EYA2: variants seen among roughly 807,000 people sequenced by gnomAD.
EYA2 encodes EYA transcriptional coactivator and phosphatase 2.
EYA2 carries 31 observed loss-of-function variants against 69.2 expected under a neutral mutation model. The observed-to-expected ratio is 0.45, with a 90% CI of 0.34 to 0.60. The LOEUF (loss-of-function observed/expected upper bound fraction) is 0.60, where lower values mean the gene tolerates loss of function less well. EYA2 is among the 20% of genes least tolerant of loss of function. The probability of loss-of-function intolerance (pLI) is 0.02; values close to 1 mark genes in which losing one functional copy is unlikely to be tolerated. For missense variants in EYA2, 622 were observed against 701.2 expected, an observed-to-expected ratio of 0.89 and a Z score of 1.28; for synonymous variants, 257 against 279.4, an observed-to-expected ratio of 0.92 and a Z score of 0.80.
chr20:46,921,507 C>T (rs1473438463), intron 1 of EYA2, among the ~76,000 whole-genome samples: 1 of 152,176 alleles, frequency 6.6e-6, no homozygotes, highest in Non-Finnish European at 1.5e-5. Context: ...GTTCTAAGTG[C>T]AGACCTGTGA....
chr20:46,913,722 G>A (rs1327175590), intron 1 of EYA2, among the ~76,000 whole-genome samples: 4 of 152,140 alleles, frequency 2.6e-5, no homozygotes, highest in African/African-American at 9.7e-5. Context: ...ATGAAGAGAG[G>A]AGTCCAAGGT....
At chr20:47,150,901 G>A (rs1344489392) in intron 10 of EYA2, among the ~76,000 whole-genome samples, 2 of 151,980 alleles carry the variant, frequency 1.3e-5, no homozygotes, top group African/African-American at 4.8e-5. Context: ...AAGGGAGCCT[G>A]GGAAATGTAG....
At position 47,080,953 on chromosome 20, in the gene EYA2, G is replaced by A. The variant is rs561589621; in HGVS notation, c.661+6618G>A. Among the ~76,000 whole-genome samples the A allele has an allele frequency of 3.3e-5, 5 of 152,242 alleles. No individual in the cohort carries two copies. The South Asian group carries it at 6.2e-4, about 19-fold the overall frequency. On this transcript the variant is annotated intron_variant, in intron 7 of 15. Transcript: ENST00000327619. Reference sequence around the variant, plus strand: ...TACGATCATAGTTCTCCGTAACCTCGAACTCCTGGGCTCAAGCAATCCTCC... The same window carrying A: ...TACGATCATAGTTCTCCGTAACCTCAAACTCCTGGGCTCAAGCAATCCTCC...
At chr20:47,184,519 G>A (rs903840904) in intron 15 of EYA2, among the ~76,000 whole-genome samples, 1 of 150,548 alleles carries the variant, frequency 6.6e-6, no homozygotes, top group African/African-American at 2.4e-5. Context: ...CTGGACTCAA[G>A]CGATCTTCCC....
chr20:47,089,406 C>A, intron 8 of EYA2, 25 bp downstream of exon 8: 1 of 1,598,642 alleles, frequency 6.3e-7, no homozygotes, highest in Non-Finnish European at 8.5e-7. Flanking sequence ...CTCTGTGTGA[C>A]CTGGTGAATG....
At chr20:47,072,147 A>G (rs1185228345) in intron 5 of EYA2, 38 bp from the exon 6 acceptor site, 2 of 1,587,724 alleles carry the variant, frequency 1.3e-6, no homozygotes, top group East Asian at 2.2e-5. Context: ...AAAAAAGACA[A>G]GAACCCTAAC....
chr20:47,186,198 A>G (rs768414140), intron 15 of EYA2, among the ~76,000 whole-genome samples: 7 of 152,206 alleles, frequency 4.6e-5, no homozygotes, highest in African/African-American at 9.6e-5. Context: ...TGAGCCTCCA[A>G]TGAAAGCCCC....
At chr20:47,157,176 G>A (rs901196550) in intron 10 of EYA2, among the ~76,000 whole-genome samples, 1 of 151,564 alleles carries the variant, frequency 6.6e-6, no homozygotes, top group African/African-American at 2.4e-5. Context: ...CCAAGATGGT[G>A]AAACCTCATC....
chr20:47,054,428 T>C (rs1224835802), intron 5 of EYA2, among the ~76,000 whole-genome samples: 1 of 152,222 alleles, frequency 6.6e-6, no homozygotes, highest in Non-Finnish European at 1.5e-5. Flanking sequence ...AATTCATGAA[T>C]CCGTCAGTTT....
intron 7 of EYA2, among the ~76,000 whole-genome samples, chr20:47,079,941 C>T (rs2031652998): frequency 6.6e-6 from 1 of 152,184 alleles, no homozygotes; most frequent in Non-Finnish European, 1.5e-5. Flanking sequence ...TAGTCATTTT[C>T]TCTGGAGAGG....
At chr20:47,166,392 C>CTT (rs773684848) in intron 10 of EYA2, among the ~76,000 whole-genome samples, 1 of 18,314 alleles carries the variant, frequency 5.5e-5, no homozygotes, top group African/African-American at 2.5e-4. Flanking sequence ...GCAAGACTGT[C>CTT]TAAAAAAAAA....
intron 9 of EYA2, among the ~76,000 whole-genome samples, chr20:47,138,468 G>T (rs2033525912): frequency 6.6e-6 from 1 of 152,132 alleles, no homozygotes; most frequent in East Asian, 1.9e-4. Flanking sequence ...AATTCTAGAA[G>T]GCTGGGCATG....
rs2273104 is a variant in EYA2, at chr20:47,183,642, G to A, written c.1536+251G>A. Among the ~76,000 whole-genome samples the A allele has an allele frequency of 1.1e-4, 17 of 152,250 alleles. No homozygotes were observed. In the East Asian group the frequency reaches 2.9e-3, roughly 26 times the overall value. ...TGGATTGTTTCTGGGACAACTGTTC[G>A]GGAGCCTAGAGACGCTCCGGCAGGG... On this transcript the variant is annotated intron_variant, in intron 15 of 15. Transcript: ENST00000327619.
At chr20:47,136,760 A>G (rs1391366979) in intron 9 of EYA2, among the ~76,000 whole-genome samples, 1 of 151,606 alleles carries the variant, frequency 6.6e-6, no homozygotes, top group Non-Finnish European at 1.5e-5. Context: ...AAAAAAAAGA[A>G]CTTCATCAAG....
rs763576531 is a variant in EYA2, at chr20:46,990,032, C to T, written c.22C>T (p.Pro8Ser). 9 of 1,606,228 alleles carry T rather than the reference C, an allele frequency of 5.6e-6. No individual in the cohort carries two copies. The East Asian group carries it at 1.6e-4, about 28-fold the overall frequency. MVELVIS[P>S]SLTVNSDCLD... Reference sequence around the variant, plus strand: ...GGAAATGGTAGAACTAGTGATCTCACCCAGCCTCACTGTAAACAGCGATTG... The same window carrying T: ...GGAAATGGTAGAACTAGTGATCTCATCCAGCCTCACTGTAAACAGCGATTG... Residue 8 changes from proline (P) to serine (S), a missense_variant, in exon 2 of 16, where the codon CCC becomes TCC. Physicochemically the swap from Pro to Ser is moderately conservative, Grantham distance 74. Transcript: ENST00000327619.
chr20:47,088,088 A>C (rs962480732), intron 7 of EYA2, among the ~76,000 whole-genome samples: 4 of 152,104 alleles, frequency 2.6e-5, no homozygotes, highest in African/African-American at 7.2e-5. Context: ...TACAAAAATT[A>C]GCCGGGCATG....
In EYA2 at chr20:47,188,262, T is replaced by C; in HGVS notation, c.*129T>C. ...GGGGCCCCACAGCCGAGACGACGTGTCCAGTGACCATCTCAGAAGCCGTCC... is the reference window on the plus strand; with the variant it reads ...GGGGCCCCACAGCCGAGACGACGTGCCCAGTGACCATCTCAGAAGCCGTCC... On this transcript the variant is annotated 3_prime_UTR_variant, in exon 16 of 16. Coordinates refer to ENST00000327619, the MANE Select transcript of EYA2 (RefSeq NM_005244.5). 1.3e-6 allele frequency: 1 copy of C among 785,556 alleles called. No homozygotes were observed. The highest frequency in any genetic ancestry group is 2.1e-6 in the Non-Finnish European group (1 of 476,830). The allele number at this position is 785,556 out of a possible 1,614,324, so 48.7% of individuals were successfully genotyped here.
At chr20:47,183,506 C>T (rs1344837256) in intron 15 of EYA2, 115 bp downstream of exon 15, 1 of 817,378 alleles carries the variant, frequency 1.2e-6, no homozygotes, top group East Asian at 2.7e-5. Context: ...GGTCCTCCTT[C>T]CCAGGCTCCT....
Position 47,129,208 on chromosome 20 carries a change from TTTGCCTCC to T in EYA2, c.889-13849_889-13842del, listed in dbSNP as rs542282471. On this transcript the variant is annotated intron_variant, in intron 9 of 15. Transcript: ENST00000327619. ...GGACACAGTAATAGCTCCCATGGAG[TTTGCCTCC>T]TACTTAGAGGAGAAGCACAAAAAAT... 1.4e-4 allele frequency among the ~76,000 whole-genome samples: 21 copies of T among 152,150 alleles called. No homozygotes were observed. The East Asian group carries it at 4.1e-3, about 29-fold the overall frequency.
Sources: gnomAD v4.1 joint callset for allele counts (sites outside exome capture counted in the v4.1 genomes callset) on GRCh38, gnomAD v4.1.1 for gene constraint, MANE v1.5 for transcripts, NCBI Gene and HGNC (gene_info 2026-07-23, HGNC 2026-07-21) for gene names.